Variants in SALL4 observed in about 807,000 individuals in gnomAD.
The protein encoded by SALL4 is sal-like protein 4.
A neutral mutation model predicts 60.8 loss-of-function variants in SALL4; 4 were observed. That is an observed-to-expected ratio of 0.07 (90% CI 0.03 to 0.15). SALL4 has a LOEUF of 0.15. Among genes scored for constraint, SALL4 ranks in the 10% least tolerant of loss-of-function variants. SALL4 has a pLI of 1.00. For synonymous variants in SALL4, 580 were observed against 574.9 expected (o/e 1.01, Z -0.13); for missense variants, 1,178 against 1,394.7 (o/e 0.84, Z 2.48).
chr20:51,800,888 A>T (rs2078105702), intron 1 of SALL4, among the ~76,000 whole-genome samples: 2 of 152,180 alleles, frequency 1.3e-5, no homozygotes, highest in South Asian at 4.1e-4. Flanking sequence ...TTAAACGGGG[A>T]ATTCTATTGA....
rs934378211 is a variant in SALL4, at chr20:51,783,159, C to G, written c.*1106G>C. On this transcript the variant is annotated 3_prime_UTR_variant, in exon 4 of 4. Transcript: ENST00000217086. ...ACCCAGTTCTTCAATAGAGTAGGCA[C>G]TGGCAAACTAAGTCACCTGAGATTC... 2 of 152,140 alleles carry G rather than the reference C, an allele frequency of 1.3e-5. No homozygotes were observed. The highest frequency in any genetic ancestry group is 2.4e-5 in the African/African-American group (1 of 41,436). 9.4% of individuals were successfully genotyped at this position (152,140 alleles called of 1,614,324 possible). A position where few individuals can be genotyped will look rare whatever the true frequency, so the allele number is the denominator to read the frequency against.
chr20:51,789,245 A>G (rs1340007831), intron 2 of SALL4, 104 bp from the exon 3 acceptor site: 1 of 1,332,552 alleles, frequency 7.5e-7, no homozygotes, highest in African/African-American at 1.5e-5. Context: ...CTAGTTTGAG[A>G]GTCTGGAGCT....
At position 51,788,996 on chromosome 20, in the gene SALL4, T is replaced by G; in HGVS notation, c.2607A>C (p.Gln869His). 6.2e-7 allele frequency: 1 copy of G among 1,614,274 alleles called. No individual in the cohort carries two copies. Among genetic ancestry groups the G allele is most frequent in the Middle Eastern group, 1.6e-4 (1 of 6,062 alleles). The change falls in exon 3 of 4, where the codon CAA becomes CAC. Residue 869 changes from glutamine (Q) to histidine (H), a missense_variant. By Grantham distance (24) the Gln-to-His change is conservative (BLOSUM62 0). This residue lies in a region of SALL4 where 853 missense variants were observed against 1,036.8 expected (regional missense o/e 0.82). Coordinates refer to ENST00000217086, the MANE Select transcript of SALL4 (RefSeq NM_020436.5). The surrounding 1 kb of genome is among the most constrained non-coding windows in gnomAD (Gnocchi z 4.1). ...TCTTCCCACACCGTGTGCAGCCATG[T>G]TGCTTGGCCTGTCGGCGTGGCTGGG... Reference protein sequence around the residue: ...LAAQPRRQAKQHGCTRCGKNF... With the variant: ...LAAQPRRQAKHHGCTRCGKNF...
chr20:51,799,633 T>C (rs768268318), intron 1 of SALL4, among the ~76,000 whole-genome samples: 2 of 152,226 alleles, frequency 1.3e-5, no homozygotes, highest in Non-Finnish European at 2.9e-5. Context: ...AAACGTTAAC[T>C]AACGTCAAAA....
Position 51,784,403 on chromosome 20 carries a change from C to A in SALL4, c.3024G>T (p.Val1008=). 1 of 1,614,192 alleles carries A rather than the reference C, an allele frequency of 6.2e-7. No homozygotes were observed. Among genetic ancestry groups the A allele is most frequent in the South Asian group, 1.1e-5 (1 of 91,082 alleles). ...LPVSLGATSV[V]NNATVSKMDG... is the part of the protein sequence containing the mutation. ...CCATCTTGGAGACAGTGGCGTTATT[C>A]ACAACGGAGGTGGCCCCCAAGGAAA... The change falls in exon 4 of 4, where the codon GTG becomes GTT. Residue 1008 remains valine (V), a synonymous_variant. Transcript: ENST00000217086.
rs540005880 is a variant in SALL4 at position 51,795,401 on chromosome 20, C to T, written c.131-3049G>A. ...CAGCCTGGGCGACAGAGCGAGACTC[C>T]GTGTCAAAAAAACAAAAACAAAAAC... On this transcript the variant is annotated intron_variant, in intron 1 of 3. Coordinates refer to ENST00000217086, the MANE Select transcript of SALL4 (RefSeq NM_020436.5). Among the ~76,000 whole-genome samples, 12 of 152,016 alleles carry T rather than the reference C, an allele frequency of 7.9e-5. No homozygotes were observed. The South Asian group carries it at 1.0e-3, about 13-fold the overall frequency.
rs1568863117 is a variant in SALL4 at position 51,790,082 on chromosome 20, T to G, written c.2401A>C (p.Lys801Gln). 3 of 1,614,088 alleles carry G rather than the reference T, an allele frequency of 1.9e-6. No homozygotes were observed. The highest frequency in any genetic ancestry group is 2.5e-6 in the Non-Finnish European group (3 of 1,180,040). ...GCTTTGCTCCCAGCATCGGGAGACTTTGACTTGATGCTTTCGGCTTGACTA... is the reference window on the plus strand; with the variant it reads ...GCTTTGCTCCCAGCATCGGGAGACTGTGACTTGATGCTTTCGGCTTGACTA... Reference protein sequence around the residue: ...ANSQAESIKSKSPDAGSKAES... With the variant: ...ANSQAESIKSQSPDAGSKAES... Residue 801 changes from lysine (K) to glutamine (Q), a missense_variant, in exon 2 of 4, where the codon AAG (lysine) becomes CAG (glutamine). Lys to Gln is a moderately conservative substitution (Grantham distance 53, BLOSUM62 1). This residue lies in a region of SALL4 where 853 missense variants were observed against 1,036.8 expected (regional missense o/e 0.82). Coordinates refer to ENST00000217086, the MANE Select transcript of SALL4 (RefSeq NM_020436.5). This position sits in a 1 kb window ranked among gnomAD's most constrained non-coding sequence, Gnocchi z 5.5.
intron 3 of SALL4, among the ~76,000 whole-genome samples, chr20:51,787,481 G>C (rs948412553): frequency 6.6e-6 from 1 of 152,134 alleles, no homozygotes; most frequent in African/African-American, 2.4e-5. Context: ...AATTGCTACA[G>C]AGAAAAATGT....
At position 51,790,467 on chromosome 20, in the gene SALL4, G is replaced by C; in HGVS notation, c.2016C>G (p.Thr672=). The change falls in exon 2 of 4, where the codon ACC becomes ACG. Residue 672 remains threonine, a synonymous_variant. Transcript: ENST00000217086. This position sits in a 1 kb window ranked among gnomAD's most constrained non-coding sequence, Gnocchi z 5.5. The part of the protein sequence containing the change: ...PCDFTGSEPM[T]VGENGSTGAI... ...CGCCGGTGCTGCCGTTCTCACCCAC[G>C]GTCATTGGCTCAGAACCCGTAAAGT... is the stretch of plus-strand genomic sequence containing the variant. 3 of 1,614,082 alleles carry C rather than the reference G, an allele frequency of 1.9e-6. No individual in the cohort carries two copies. Among genetic ancestry groups the C allele is most frequent in the Non-Finnish European group, 2.5e-6 (3 of 1,180,032 alleles).
chr20:51,795,869 G>C (rs2078076247), intron 1 of SALL4, among the ~76,000 whole-genome samples: 1 of 152,104 alleles, frequency 6.6e-6, no homozygotes, highest in African/African-American at 2.4e-5. Flanking sequence ...TTAGGGTGCA[G>C]AAAAGGCGAA....
rs753922628 is a variant in SALL4 at position 51,789,128 on chromosome 20, G to C, written c.2475C>G (p.Leu825=). ...SRTEMEGRSS[L]PSTFIRAPPT... is the part of the protein sequence containing the mutation. Reference sequence around the variant, plus strand: ...GCGGGGCTCGGATAAACGTGGAAGGGAGACTGCTCCGACCTAGTACACAGA... The same window carrying C: ...GCGGGGCTCGGATAAACGTGGAAGGCAGACTGCTCCGACCTAGTACACAGA... Residue 825 remains leucine, a synonymous_variant, in exon 3 of 4, where the codon CTC becomes CTG. Coordinates refer to ENST00000217086, the MANE Select transcript of SALL4 (RefSeq NM_020436.5). 6.2e-7 allele frequency: 1 copy of C among 1,614,190 alleles called. No homozygotes were observed. Among genetic ancestry groups the C allele is most frequent in the Non-Finnish European group, 8.5e-7 (1 of 1,180,010 alleles).
At position 51,789,057 on chromosome 20, in the gene SALL4, G is replaced by A. The variant is rs747787961; in HGVS notation, c.2546C>T (p.Ser849Leu). 21 of 1,614,054 alleles carry A rather than the reference G, an allele frequency of 1.3e-5. No homozygotes were observed. The highest frequency in any genetic ancestry group is 1.2e-4 in the South Asian group (11 of 91,092). ...AGGGGTCATCCCTGGGGACAATGTC[G>A]AGGGTCCCACAAATGTGCCAGGAAC... is the stretch of plus-strand genomic sequence containing the variant. ...VEVPGTFVGP[S>L]TLSPGMTPLL... The change falls in exon 3 of 4, where the codon TCG (serine) becomes TTG (leucine). Residue 849 changes from serine (S) to leucine (L), a missense_variant. Transcript: ENST00000217086.
At chr20:51,793,402 C>A (rs957246144) in intron 1 of SALL4, among the ~76,000 whole-genome samples, 1 of 151,980 alleles carries the variant, frequency 6.6e-6, no homozygotes, top group African/African-American at 2.4e-5. Flanking sequence ...GCAGGAGAAC[C>A]GCTTGAGCCT....
At chr20:51,786,104 T>TG (rs34698755) in intron 3 of SALL4, among the ~76,000 whole-genome samples, 1 of 149,396 alleles carries the variant, frequency 6.7e-6, no homozygotes, top group African/African-American at 2.5e-5. Flanking sequence ...TTTTTTTTTT[T>TG]GAGACAGAGT....
intron 1 of SALL4, among the ~76,000 whole-genome samples, chr20:51,793,882 T>A (rs1211679204): frequency 1.3e-5 from 2 of 151,836 alleles, no homozygotes; most frequent in Non-Finnish European, 2.9e-5. Flanking sequence ...TGGGGGTGGG[T>A]CAGGGGAAGA....
rs772190829 is a variant in SALL4 at position 51,790,238 on chromosome 20, T to G, written c.2245A>C (p.Arg749=). 3 of 1,614,212 alleles carry G rather than the reference T, an allele frequency of 1.9e-6. No homozygotes were observed. Among genetic ancestry groups the G allele is most frequent in the East Asian group, 2.2e-5 (1 of 44,880 alleles). Residue 749 remains arginine, a synonymous_variant, in exon 2 of 4, where the codon AGA becomes CGA. Transcript: ENST00000217086. This position sits in a 1 kb window ranked among gnomAD's most constrained non-coding sequence, Gnocchi z 5.5. ...APFNLQRQGS[R]ENGSVESDGL... ...TCGCTCTCCACGGAACCGTTTTCTCTGCTGCCCTGGCGCTGCAGGTTAAAA... is the reference window on the plus strand; with the variant it reads ...TCGCTCTCCACGGAACCGTTTTCTCGGCTGCCCTGGCGCTGCAGGTTAAAA...
chr20:51,790,742 G>T lies in SALL4; in HGVS notation c.1741C>A (p.Leu581Ile), dbSNP rs779831654. 6.2e-7 allele frequency: 1 copy of T among 1,614,116 alleles called. No homozygotes were observed. The highest frequency in any genetic ancestry group is 1.1e-5 in the South Asian group (1 of 91,080). ...CHRVLSCQSS[L>I]KMHYRTHTGE... Reference sequence around the variant, plus strand: ...GTGTGGGTGCGATAATGCATCTTGAGGGAGCTCTGACAGCTTAAGACTCGG... The same window carrying T: ...GTGTGGGTGCGATAATGCATCTTGATGGAGCTCTGACAGCTTAAGACTCGG... Residue 581 changes from leucine (L) to isoleucine (I), a missense_variant, in exon 2 of 4, where the codon CTC (leucine) becomes ATC (isoleucine). Around this residue, in one of 5 missense-constraint regions of SALL4, gnomAD observed 853 missense variants for 1,036.8 expected, o/e 0.82. Coordinates refer to ENST00000217086, the MANE Select transcript of SALL4 (RefSeq NM_020436.5). This position sits in a 1 kb window ranked among gnomAD's most constrained non-coding sequence, Gnocchi z 5.5.
chr20:51,784,129 G>T lies in SALL4; in HGVS notation c.*136C>A, dbSNP rs1416471518. 2 of 1,018,348 alleles carry T rather than the reference G, an allele frequency of 2.0e-6. No individual in the cohort carries two copies. Among genetic ancestry groups the T allele is most frequent in the East Asian group, 2.5e-5 (1 of 40,806 alleles). 63.1% of individuals were successfully genotyped at this position (1,018,348 alleles called of 1,614,324 possible). A position where few individuals can be genotyped will look rare whatever the true frequency, so the allele number is the denominator to read the frequency against. ...GATTGTAGCACTTGCCTGAGGTTGT[G>T]GTCACAACCAACGTAGTAAACATCA... On this transcript the variant is annotated 3_prime_UTR_variant, in exon 4 of 4. Transcript: ENST00000217086.
intron 1 of SALL4, among the ~76,000 whole-genome samples, chr20:51,798,678 C>T (rs556656049): frequency 2.0e-5 from 3 of 151,946 alleles, no homozygotes; most frequent in Non-Finnish European, 4.4e-5. Context: ...TTTCTGGGAC[C>T]TCTTCATCTA....
Sources: gnomAD v4.1 joint callset for allele counts (sites outside exome capture counted in the v4.1 genomes callset) on GRCh38, gnomAD v4.1.1 for gene constraint, gnomAD v4.1.1 regional missense constraint, Gnocchi (gnomAD v3.1) non-coding constraint, MANE v1.5 for transcripts, NCBI Gene and HGNC (gene_info 2026-07-23, HGNC 2026-07-21) for gene names.